Variants in WWOX observed in about 807,000 individuals in gnomAD.
WWOX encodes WW domain-containing oxidoreductase.
In WWOX, 69 loss-of-function variants were observed where a neutral mutation model predicts 46.2. The ratio of observed to expected loss-of-function variants is 1.49; its 90% CI spans 1.23 to 1.82. The LOEUF (loss-of-function observed/expected upper bound fraction) is 1.82. Among genes scored for constraint, WWOX ranks in the 40% most tolerant of loss-of-function variants. The probability of loss-of-function intolerance (pLI) is 0.00; values close to 1 mark genes in which losing one functional copy is unlikely to be tolerated. For synonymous variants in WWOX, 359 were observed against 202.6 expected (o/e 1.77, Z -6.56); for missense variants, 919 against 542.6 (o/e 1.69, Z -6.89).
intron 8 of WWOX, among the ~76,000 whole-genome samples, chr16:78,769,643 A>G (rs908804945): frequency 6.6e-6 from 1 of 150,852 alleles, no homozygotes. Flanking sequence ...ACTATATCAT[A>G]ATTTTAACAG....
At chr16:78,810,803 G>A (rs982826736) in intron 8 of WWOX, among the ~76,000 whole-genome samples, 6 of 151,704 alleles carry the variant, frequency 4.0e-5, no homozygotes, top group Non-Finnish European at 8.8e-5. Flanking sequence ...ATGCAGGGGG[G>A]AAAAAAAACT....
chr16:78,190,364 C>A (rs541321034), intron 5 of WWOX, among the ~76,000 whole-genome samples: 1 of 152,252 alleles, frequency 6.6e-6, no homozygotes, highest in East Asian at 1.9e-4. Flanking sequence ...ACCTTGACCC[C>A]GACCTTGAAA....
chr16:78,766,674 A>T (rs749807821), intron 8 of WWOX, among the ~76,000 whole-genome samples: 1 of 152,212 alleles, frequency 6.6e-6, no homozygotes, highest in South Asian at 2.1e-4. Flanking sequence ...CAGTTAATCA[A>T]GTTTGTTAGA....
chr16:78,588,064 G>A (rs1393407331), intron 8 of WWOX, among the ~76,000 whole-genome samples: 2 of 152,182 alleles, frequency 1.3e-5, no homozygotes, highest in African/African-American at 2.4e-5. Context: ...CTGGGTGGTG[G>A]TCACAGCCCT....
intron 8 of WWOX, among the ~76,000 whole-genome samples, chr16:78,877,811 T>TC (rs1438360390): frequency 6.6e-6 from 1 of 152,176 alleles, no homozygotes; most frequent in Non-Finnish European, 1.5e-5. Context: ...ATGTATAATG[T>TC]CCAACTCACT....
At chr16:78,995,375 C>G (rs549080337) in intron 8 of WWOX, among the ~76,000 whole-genome samples, 3 of 152,012 alleles carry the variant, frequency 2.0e-5, no homozygotes, top group Non-Finnish European at 4.4e-5. Flanking sequence ...GGACTGCGTT[C>G]TTTGGGGTAG....
At chr16:78,480,732 C>G (rs932889973) in intron 8 of WWOX, among the ~76,000 whole-genome samples, 5 of 152,252 alleles carry the variant, frequency 3.3e-5, no homozygotes, top group Non-Finnish European at 7.3e-5. Context: ...ATTCCAAAGT[C>G]AGGCTGGCCA....
rs144412859 is a variant in WWOX, at chr16:79,211,995, GGGGCT to G, written c.*205_*209del. 0.012 allele frequency: 18,827 copies of G among 1,536,060 alleles called. 141 individuals are homozygous for G. The highest frequency in any genetic ancestry group is 0.015 in the Non-Finnish European group (16,700 of 1,146,858). On this transcript the variant is annotated 3_prime_UTR_variant, in exon 9 of 9. Transcript: ENST00000566780. ...TCCTGGGGTAAAGTATCACTTTTCT[GGGGCT>G]GGGCTAGGCATAGGTCTCTTTGCTT...
intron 5 of WWOX, among the ~76,000 whole-genome samples, chr16:78,374,639 C>G (rs1309514482): frequency 2.0e-5 from 3 of 147,982 alleles, no homozygotes; most frequent in African/African-American, 7.5e-5. Flanking sequence ...AGCTCCGCCT[C>G]CTCGGTTCAT....
Position 79,001,262 on chromosome 16 carries a change from A to G in WWOX, c.1057-210346A>G, listed in dbSNP as rs977792617. Among the ~76,000 whole-genome samples the G allele has an allele frequency of 2.0e-5, 3 of 152,068 alleles. No individual in the cohort carries two copies. In the South Asian group the frequency reaches 6.2e-4, roughly 32 times the overall value. On this transcript the variant is annotated intron_variant, in intron 8 of 8. Coordinates refer to ENST00000566780, the MANE Select transcript of WWOX (RefSeq NM_016373.4). ...GCAGCTTTGCCTCCTCTCCCAAGAC[A>G]AAGGCCTCCCCGCCCCCCTAAATCC...
chr16:79,139,123 G>A (rs2050039161), intron 8 of WWOX, among the ~76,000 whole-genome samples: 1 of 152,096 alleles, frequency 6.6e-6, no homozygotes, highest in African/African-American at 2.4e-5. Context: ...CTCTGTCTCA[G>A]GAAAGTAATA....
chr16:78,769,319 C>T (rs1410709769), intron 8 of WWOX, among the ~76,000 whole-genome samples: 1 of 152,176 alleles, frequency 6.6e-6, no homozygotes, highest in African/African-American at 2.4e-5. Flanking sequence ...CATCCTGCCT[C>T]CCTCCATCCT....
intron 8 of WWOX, among the ~76,000 whole-genome samples, chr16:78,938,816 G>A (rs953207638): frequency 6.6e-6 from 1 of 152,162 alleles, no homozygotes; most frequent in Non-Finnish European, 1.5e-5. Context: ...CTGGCGAGGA[G>A]AGCAGTCTAA....
chr16:79,116,426 C>A (rs1025507333), intron 8 of WWOX, among the ~76,000 whole-genome samples: 2 of 152,204 alleles, frequency 1.3e-5, no homozygotes, highest in African/African-American at 4.8e-5. Flanking sequence ...TCTAAATCCT[C>A]TGTTGTCATT....
At chr16:78,485,868 C>T (rs1009165820) in intron 8 of WWOX, among the ~76,000 whole-genome samples, 2 of 152,184 alleles carry the variant, frequency 1.3e-5, no homozygotes, top group African/African-American at 4.8e-5. Context: ...AGAATGTCAG[C>T]ATGGATCACT....
chr16:78,488,732 C>G (rs2084702538), intron 8 of WWOX, among the ~76,000 whole-genome samples: 1 of 152,150 alleles, frequency 6.6e-6, no homozygotes, highest in Non-Finnish European at 1.5e-5. Context: ...CCATTAGGAA[C>G]TGTGTGACGC....
In WWOX at chr16:78,824,991, A is replaced by G. The variant is rs139219175; in HGVS notation, c.1057-386617A>G. ...AGTAACAGTAGAAAATGGCAGCGTTATAGCCATAAACAAAGTGCTCTGTGG... is the reference window on the plus strand; with the variant it reads ...AGTAACAGTAGAAAATGGCAGCGTTGTAGCCATAAACAAAGTGCTCTGTGG... On this transcript the variant is annotated intron_variant, in intron 8 of 8. Coordinates refer to ENST00000566780, the MANE Select transcript of WWOX (RefSeq NM_016373.4). Among the ~76,000 whole-genome samples, 8 of 152,288 alleles carry G rather than the reference A, an allele frequency of 5.3e-5. No homozygotes were observed. The East Asian group carries it at 1.5e-3, about 29-fold the overall frequency.
chr16:78,845,637 C>T (rs1192302472), intron 8 of WWOX, among the ~76,000 whole-genome samples: 1 of 152,016 alleles, frequency 6.6e-6, no homozygotes, highest in Non-Finnish European at 1.5e-5. Flanking sequence ...CTCCACAAGG[C>T]AAAAAATAAC....
chr16:78,916,403 A>T (rs986113977), intron 8 of WWOX, among the ~76,000 whole-genome samples: 3 of 152,224 alleles, frequency 2.0e-5, no homozygotes, highest in African/African-American at 7.2e-5. Flanking sequence ...AAACATGGGA[A>T]GACTGGCAAG....
Sources: gnomAD v4.1 joint callset for allele counts (sites outside exome capture counted in the v4.1 genomes callset) on GRCh38, gnomAD v4.1.1 for gene constraint, MANE v1.5 for transcripts, NCBI Gene and HGNC (gene_info 2026-07-23, HGNC 2026-07-21) for gene names.